ALK: variants seen among roughly 807,000 people sequenced by gnomAD.
ALK encodes ALK receptor tyrosine kinase.
A neutral mutation model predicts 163.1 loss-of-function variants in ALK; 74 were observed. The observed-to-expected ratio is 0.45, with a 90% CI of 0.38 to 0.55. The LOEUF (loss-of-function observed/expected upper bound fraction) is 0.55. ALK is among the 20% of genes least tolerant of loss of function. The probability of loss-of-function intolerance (pLI) is 0.00; values close to 1 mark genes in which losing one functional copy is unlikely to be tolerated. For missense variants in ALK, 2,063 were observed against 2,105.3 expected (o/e 0.98, Z 0.39); for synonymous variants, 960 against 843.2 (o/e 1.14, Z -2.40).
chr2:29,244,350 G>A (rs1023244979), intron 12 of ALK, among the ~76,000 whole-genome samples: 1 of 152,182 alleles, frequency 6.6e-6, no homozygotes, highest in Non-Finnish European at 1.5e-5. Context: ...GACACATGAC[G>A]CGTGTGAGTG....
intron 4 of ALK, among the ~76,000 whole-genome samples, chr2:29,456,504 G>A (rs971481199): frequency 6.6e-6 from 1 of 152,256 alleles, no homozygotes; most frequent in Admixed American, 6.5e-5. Context: ...GAGGTATGTA[G>A]AGTAGTCAAA....
At chr2:29,490,062 G>A (rs1302278173) in intron 4 of ALK, among the ~76,000 whole-genome samples, 2 of 152,258 alleles carry the variant, frequency 1.3e-5, no homozygotes, top group Admixed American at 6.5e-5. Flanking sequence ...ATGGAATAAA[G>A]CAGAAGCTAG....
In ALK at chr2:29,366,569, C is replaced by T. The variant is rs1057484891; in HGVS notation, c.1282+17163G>A. ...TGGAGACAGAGTGATCTGTGTGGAC[C>T]TAATGACCTGCCAGCAAGGACTCCT... is the stretch of plus-strand genomic sequence containing the variant. On this transcript the variant is annotated intron_variant, in intron 5 of 28. Coordinates refer to ENST00000389048, the MANE Select transcript of ALK (RefSeq NM_004304.5). Among the ~76,000 whole-genome samples, 4 of 152,202 alleles carry T rather than the reference C, an allele frequency of 2.6e-5. No homozygotes were observed. In the South Asian group the frequency reaches 8.3e-4, roughly 32 times the overall value.
intron 3 of ALK, among the ~76,000 whole-genome samples, chr2:29,674,575 G>T (rs1418014618): frequency 6.6e-6 from 1 of 150,970 alleles, no homozygotes; most frequent in African/African-American, 2.4e-5. Flanking sequence ...GATTCGTTTT[G>T]CCAGTATTTT....
At chr2:29,360,709 C>T (rs1484697313) in intron 5 of ALK, among the ~76,000 whole-genome samples, 1 of 151,950 alleles carries the variant, frequency 6.6e-6, no homozygotes, top group Non-Finnish European at 1.5e-5. Context: ...AGCATAAGGG[C>T]CATAATGGTG....
chr2:29,745,185 C>T (rs1200066918), intron 1 of ALK, among the ~76,000 whole-genome samples: 1 of 152,162 alleles, frequency 6.6e-6, no homozygotes, highest in Non-Finnish European at 1.5e-5. Context: ...ATCCTGACAA[C>T]AGCAGTCACA....
intron 4 of ALK, among the ~76,000 whole-genome samples, chr2:29,418,844 C>T (rs75456097): frequency 0.084 from 12,326 of 147,246 alleles, 720 homozygotes; most frequent in Non-Finnish European, 0.12. Context: ...AGAAAATGTA[C>T]ATCCAGAATT....
intron 1 of ALK, among the ~76,000 whole-genome samples, chr2:29,748,065 A>T (rs965717666): frequency 1.3e-5 from 2 of 152,212 alleles, no homozygotes; most frequent in African/African-American, 4.8e-5. Context: ...TGGGAAAACA[A>T]AAAAGCAGTT....
At chr2:29,861,421 CAAAT>C (rs1411594684) in intron 1 of ALK, among the ~76,000 whole-genome samples, 2 of 151,676 alleles carry the variant, frequency 1.3e-5, no homozygotes, top group Admixed American at 6.6e-5. Context: ...AGAGAAGACT[CAAAT>C]AAAATAAAAA....
intron 1 of ALK, among the ~76,000 whole-genome samples, chr2:29,722,881 G>T (rs1007465278): frequency 1.3e-5 from 2 of 151,998 alleles, no homozygotes; most frequent in Non-Finnish European, 2.9e-5. Context: ...ACCAATACTC[G>T]CCTGGTTGCT....
At chr2:29,519,009 G>A (rs768359131) in intron 4 of ALK, among the ~76,000 whole-genome samples, 20 of 152,272 alleles carry the variant, frequency 1.3e-4, no homozygotes, top group South Asian at 1.2e-3. Context: ...ATTGGCTATC[G>A]TTGTTAAAAG....
At chr2:29,247,092 A>T (rs1244782496) in intron 12 of ALK, among the ~76,000 whole-genome samples, 2 of 152,060 alleles carry the variant, frequency 1.3e-5, no homozygotes, top group Non-Finnish European at 2.9e-5. Context: ...AGCCATTCAC[A>T]AGCTCAGCTG....
At chr2:29,335,127 C>T (rs1667571714) in intron 5 of ALK, among the ~76,000 whole-genome samples, 1 of 152,178 alleles carries the variant, frequency 6.6e-6, no homozygotes, top group Non-Finnish European at 1.5e-5. Flanking sequence ...ACTTCTGATG[C>T]CTTCTGCCCA....
chr2:29,502,396 A>C (rs1672211271), intron 4 of ALK, among the ~76,000 whole-genome samples: 1 of 152,176 alleles, frequency 6.6e-6, no homozygotes, highest in Non-Finnish European at 1.5e-5. Context: ...GTAAATGCAT[A>C]ACTTCTCTTG....
chr2:29,889,695 C>CAGAGAGAGAG (rs869083201), intron 1 of ALK, among the ~76,000 whole-genome samples: 11 of 101,938 alleles, frequency 1.1e-4, no homozygotes, highest in Non-Finnish European at 1.4e-4. Context: ...GATAGATAGA[C>CAGAGAGAGAG]AGAGAGAGAG....
At chr2:29,695,075 C>T in intron 2 of ALK, 61 bp from the exon 3 acceptor site, 2 of 1,593,702 alleles carry the variant, frequency 1.3e-6, no homozygotes, top group Admixed American at 1.7e-5. Context: ...TTTTCAGCCC[C>T]CTCCACTCCA....
intron 9 of ALK, among the ~76,000 whole-genome samples, chr2:29,294,704 A>G (rs1666129638): frequency 6.6e-6 from 1 of 152,220 alleles, no homozygotes; most frequent in Admixed American, 6.5e-5. Flanking sequence ...TCTCATAACA[A>G]TCTTGTGAAA....
At chr2:29,604,168 T>TTG (rs1045077347) in intron 3 of ALK, among the ~76,000 whole-genome samples, 2 of 151,770 alleles carry the variant, frequency 1.3e-5, no homozygotes, top group African/African-American at 4.8e-5. Context: ...GAGAAGTTTT[T>TTG]TTTTTTTTTT....
At chr2:29,827,069 G>C (rs1439425408) in intron 1 of ALK, among the ~76,000 whole-genome samples, 1 of 152,184 alleles carries the variant, frequency 6.6e-6, no homozygotes, top group African/African-American at 2.4e-5. Flanking sequence ...CAATCTGGTA[G>C]CTTTCAACCA....
Sources: allele counts gnomAD v4.1 joint callset (sites outside exome capture counted in the v4.1 genomes callset), GRCh38; gene constraint gnomAD v4.1.1; transcripts MANE v1.5; gene names NCBI Gene and HGNC (gene_info 2026-07-23, HGNC 2026-07-21).